CPEB3: variants seen among roughly 807,000 people sequenced by gnomAD.
CPEB3 encodes cytoplasmic polyadenylation element binding protein 3, also known as cytoplasmic polyadenylation element-binding protein 3.
In CPEB3, 20 loss-of-function variants were observed where a neutral mutation model predicts 67.2. The ratio of observed to expected loss-of-function variants is 0.30; its 90% confidence interval spans 0.21 to 0.43. The LOEUF is 0.43. Ranked by LOEUF, CPEB3 falls within the 20% of genes least tolerant of loss-of-function variation. The pLI is 1.00. For synonymous variants in CPEB3, 376 were observed against 393.1 expected, an observed-to-expected ratio of 0.96 and a Z score of 0.51; for missense variants, 746 against 968.6, an observed-to-expected ratio of 0.77 and a Z score of 3.05.
At chr10:92,102,799 G>A (rs117450382) in intron 7 of CPEB3, among the ~76,000 whole-genome samples, 2 of 152,108 alleles carry the variant, frequency 1.3e-5, no homozygotes, top group African/African-American at 2.4e-5. Context: ...CCCTTTGAGC[G>A]CTCTCCCCGT....
At chr10:92,171,984 T>C (rs946083043) in intron 4 of CPEB3, among the ~76,000 whole-genome samples, 3 of 152,032 alleles carry the variant, frequency 2.0e-5, no homozygotes, top group Non-Finnish European at 4.4e-5. Flanking sequence ...TAAAGAGGGG[T>C]TAAAGTGTCC....
intron 1 of CPEB3, among the ~76,000 whole-genome samples, chr10:92,282,746 G>A (rs577842450): frequency 3.9e-5 from 6 of 152,108 alleles, no homozygotes; most frequent in African/African-American, 1.4e-4. Flanking sequence ...ACATATTCTG[G>A]GGACCAAAGT....
intron 2 of CPEB3, among the ~76,000 whole-genome samples, chr10:92,223,714 C>CA (rs1261149660): frequency 6.6e-6 from 1 of 150,936 alleles, no homozygotes; most frequent in Non-Finnish European, 1.5e-5. Flanking sequence ...GCTGGGATTA[C>CA]AGGCACCTGT....
chr10:92,127,896 A>C (rs1334118899), intron 6 of CPEB3, among the ~76,000 whole-genome samples: 1 of 152,202 alleles, frequency 6.6e-6, no homozygotes, highest in Non-Finnish European at 1.5e-5. Flanking sequence ...CTTCAAGTAC[A>C]AGACTCATAC....
At chr10:92,208,594 T>A (rs1241689234) in intron 2 of CPEB3, among the ~76,000 whole-genome samples, 1 of 148,604 alleles carries the variant, frequency 6.7e-6, no homozygotes, top group Non-Finnish European at 1.5e-5. Flanking sequence ...TTTTTTTTTT[T>A]CTTTCTTTTT....
chr10:92,230,849 C>G (rs375511730), intron 2 of CPEB3, among the ~76,000 whole-genome samples: 1 of 152,150 alleles, frequency 6.6e-6, no homozygotes, highest in Non-Finnish European at 1.5e-5. Flanking sequence ...GCTATATTAC[C>G]TCAACTCTCA....
chr10:92,058,556 C>T (rs866384601), intron 9 of CPEB3, among the ~76,000 whole-genome samples: 4 of 93,762 alleles, frequency 4.3e-5, no homozygotes, highest in African/African-American at 2.4e-4. Flanking sequence ...CTCAAAAATA[C>T]ATACATACAT....
At chr10:92,276,699 T>C (rs533158320) in intron 1 of CPEB3, among the ~76,000 whole-genome samples, 34 of 152,362 alleles carry the variant, frequency 2.2e-4, no homozygotes, top group African/African-American at 7.2e-4. Flanking sequence ...CTCGGGTATA[T>C]AGCTGTAAAT....
At chr10:92,210,792 C>T (rs1478680681) in intron 2 of CPEB3, among the ~76,000 whole-genome samples, 1 of 152,156 alleles carries the variant, frequency 6.6e-6, no homozygotes, top group African/African-American at 2.4e-5. Context: ...AATCCCAGCA[C>T]TTTGGGAGGC....
At chr10:92,145,120 A>G (rs1846616277) in intron 4 of CPEB3, 35 bp from the exon 5 acceptor site, 1 of 1,610,280 alleles carries the variant, frequency 6.2e-7, no homozygotes, top group Non-Finnish European at 8.5e-7. Flanking sequence ...GACCTGAAAC[A>G]AATGTGGGAG....
At position 92,275,842 on chromosome 10, in the gene CPEB3, TTTC is replaced by T. The variant is rs1367061749; in HGVS notation, c.-12+15081_-12+15083del. ...ATAGCATGTATCAGTACTTCATTCT[TTTC>T]TTTTTTTTTTTTTTTTTTTTTGAGA... On this transcript the variant is annotated intron_variant, in intron 1 of 9. Coordinates refer to ENST00000265997, the MANE Select transcript of CPEB3 (RefSeq NM_014912.5). Among the ~76,000 whole-genome samples, 530 of 117,682 alleles carry T rather than the reference TTTC, an allele frequency of 4.5e-3. 14 individuals carry two copies. The highest frequency in any genetic ancestry group is 8.5e-3 in the Non-Finnish European group (416 of 49,212). The allele number at this position is 117,682 out of a possible 152,430, so 77.2% of individuals were successfully genotyped here.
At chr10:92,065,366 A>G (rs2134346525) in intron 9 of CPEB3, among the ~76,000 whole-genome samples, 1 of 152,262 alleles carries the variant, frequency 6.6e-6, no homozygotes, top group African/African-American at 2.4e-5. Flanking sequence ...AATTACAGGC[A>G]TGTGCCACCA....
At position 92,240,262 on chromosome 10, in the gene CPEB3, G is replaced by C; in HGVS notation, c.89C>G (p.Ser30Cys). 6.6e-7 allele frequency: 1 copy of C among 1,517,826 alleles called. No homozygotes were observed. Among genetic ancestry groups the C allele is most frequent in the Non-Finnish European group, 8.8e-7 (1 of 1,131,726 alleles). 94.0% of individuals were successfully genotyped at this position (1,517,826 alleles called of 1,614,324 possible). Residue 30 changes from serine to cysteine, a missense_variant, in exon 2 of 10, where the codon TCC (serine) becomes TGC (cysteine). By Grantham distance (112) the Ser-to-Cys change is moderately radical. This residue lies in a region of CPEB3 where 643 missense variants were observed against 717.5 expected (regional missense o/e 0.90). Transcript: ENST00000265997. ...QRQQQQPQPE[S>C]SVSEAPSTPL... Reference sequence around the variant, plus strand: ...CGTGGACGGGGCTTCGGATACGCTGGACTCAGGTTGGGGCTGCTGCTGCTG... The same window carrying C: ...CGTGGACGGGGCTTCGGATACGCTGCACTCAGGTTGGGGCTGCTGCTGCTG...
intron 6 of CPEB3, among the ~76,000 whole-genome samples, chr10:92,123,371 A>G (rs902419348): frequency 8.6e-6 from 1 of 115,834 alleles, no homozygotes; most frequent in Admixed American, 9.4e-5. Context: ...ATTACTGAGC[A>G]TTACATTTAA....
In CPEB3 at chr10:92,068,431, C is replaced by T. The variant is rs192718874; in HGVS notation, c.1869+12889G>A. On this transcript the variant is annotated intron_variant, in intron 9 of 9. Transcript: ENST00000265997. The stretch of plus-strand genomic sequence containing the variant: ...GCACCCTGGCTATAACACAACCTCA[C>T]GGGCCTCTGTTTCCCCTAGCCTATG... 2.4e-4 allele frequency among the ~76,000 whole-genome samples: 37 copies of T among 152,262 alleles called. No individual in the cohort carries two copies. In the East Asian group the frequency reaches 6.0e-3, roughly 25 times the overall value.
chr10:92,239,312 A>G lies in CPEB3; in HGVS notation c.1005+34T>C, dbSNP rs1298443461. 6.3e-7 allele frequency: 1 copy of G among 1,586,962 alleles called. No homozygotes were observed. Among genetic ancestry groups the G allele is most frequent in the Non-Finnish European group, 8.6e-7 (1 of 1,165,710 alleles). On this transcript the variant is annotated intron_variant, in intron 2 of 9. Coordinates refer to ENST00000265997, the MANE Select transcript of CPEB3 (RefSeq NM_014912.5). This position sits in a 1 kb window ranked among gnomAD's most constrained non-coding sequence, Gnocchi z 6.0. ...AGAAGTGGCAAAAGGAGCGGGGCAG[A>G]GGGAAGGAGTGTGTAGGTGCAGCAG...
intron 1 of CPEB3, among the ~76,000 whole-genome samples, chr10:92,247,089 C>T (rs1485735023): frequency 6.6e-6 from 1 of 152,144 alleles, no homozygotes; most frequent in African/African-American, 2.4e-5. Context: ...ATGACTCGAA[C>T]ATAAGCACCA....
At chr10:92,280,170 C>T (rs558456636) in intron 1 of CPEB3, among the ~76,000 whole-genome samples, 42 of 151,692 alleles carry the variant, frequency 2.8e-4, no homozygotes, top group South Asian at 1.5e-3. Flanking sequence ...TGATGAAACC[C>T]GGTCTCTATT....
intron 2 of CPEB3, among the ~76,000 whole-genome samples, chr10:92,213,303 G>A (rs1311139804): frequency 1.3e-5 from 2 of 152,212 alleles, no homozygotes; most frequent in Non-Finnish European, 2.9e-5. Flanking sequence ...GATTTCCCTA[G>A]TGGTGTTTAC....
Sources: gnomAD v4.1 joint callset for allele counts (sites outside exome capture counted in the v4.1 genomes callset) on GRCh38, gnomAD v4.1.1 for gene constraint, gnomAD v4.1.1 regional missense constraint, Gnocchi (gnomAD v3.1) non-coding constraint, MANE v1.5 for transcripts, NCBI Gene and HGNC (gene_info 2026-07-23, HGNC 2026-07-21) for gene names.